BRINP3: variants seen among roughly 807,000 people sequenced by gnomAD.
BRINP3 encodes BMP/retinoic acid inducible neural specific 3.
BRINP3 carries 19 observed loss-of-function variants against 71.0 expected under a neutral mutation model. The ratio of observed to expected loss-of-function variants is 0.27; its 90% confidence interval spans 0.19 to 0.39. BRINP3 has a LOEUF of 0.39. Ranked by LOEUF, BRINP3 falls within the 10% of genes least tolerant of loss-of-function variation. The pLI is 1.00. For synonymous variants in BRINP3, 380 were observed against 337.7 expected, an observed-to-expected ratio of 1.13 and a Z score of -1.37; for missense variants, 959 against 940.8, an observed-to-expected ratio of 1.02 and a Z score of -0.25.
intron 2 of BRINP3, among the ~76,000 whole-genome samples, chr1:190,433,676 T>A (rs562263925): frequency 2.0e-5 from 3 of 152,180 alleles, no homozygotes; most frequent in Non-Finnish European, 2.9e-5. Flanking sequence ...CTGAAATTAT[T>A]ATGCTATCTA....
In BRINP3 at chr1:190,477,545, C is replaced by G. The variant is rs1036483565; in HGVS notation, c.-148G>C. 3.9e-4 allele frequency: 60 copies of G among 152,176 alleles called. No individual in the cohort carries two copies. The highest frequency in any genetic ancestry group is 1.4e-3 in the African/African-American group (58 of 41,520). The allele number at this position is 152,176 out of a possible 1,614,324, so 9.4% of individuals were successfully genotyped here. A position where few individuals can be genotyped will look rare whatever the true frequency, so the allele number is the denominator to read the frequency against. On this transcript the variant is annotated 5_prime_UTR_variant, in exon 1 of 8. Transcript: ENST00000367462. Reference sequence around the variant, plus strand: ...TTCCAAATCAAGGTAAAGTAGTGAGCTGCAGGGTAGTAGGACTTTAAAATA... The same window carrying G: ...TTCCAAATCAAGGTAAAGTAGTGAGGTGCAGGGTAGTAGGACTTTAAAATA...
At chr1:190,413,548 G>A (rs1156745766) in intron 2 of BRINP3, among the ~76,000 whole-genome samples, 1 of 152,126 alleles carries the variant, frequency 6.6e-6, no homozygotes, top group Admixed American at 6.5e-5. Context: ...TGTTATCAAG[G>A]AGACAGAGAT....
intron 2 of BRINP3, among the ~76,000 whole-genome samples, chr1:190,356,433 G>A (rs551879896): frequency 2.6e-5 from 4 of 151,894 alleles, no homozygotes; most frequent in Admixed American, 1.3e-4. Flanking sequence ...GTATTAGAAA[G>A]GTAGATGAAC....
chr1:190,100,578 A>C (rs1040439082), intron 7 of BRINP3, among the ~76,000 whole-genome samples: 2 of 152,184 alleles, frequency 1.3e-5, no homozygotes, highest in Non-Finnish European at 2.9e-5. Flanking sequence ...CCCTAAACTG[A>C]ATATTTAATA....
intron 2 of BRINP3, among the ~76,000 whole-genome samples, chr1:190,327,894 T>C (rs1272977370): frequency 1.3e-5 from 2 of 152,114 alleles, no homozygotes; most frequent in African/African-American, 4.8e-5. Context: ...ATTGATTACA[T>C]TCTCAGCCAT....
chr1:190,114,637 C>T (rs1240146087), intron 7 of BRINP3, among the ~76,000 whole-genome samples: 4 of 151,660 alleles, frequency 2.6e-5, no homozygotes, highest in African/African-American at 4.9e-5. Flanking sequence ...GATCATATCA[C>T]GGCTCAAATC....
chr1:190,272,114 A>C (rs115096458), intron 3 of BRINP3, among the ~76,000 whole-genome samples: 2,280 of 151,638 alleles, frequency 0.015, 72 homozygotes, highest in African/African-American at 0.051. Flanking sequence ...AGTCTTTTTC[A>C]GTGTCCACAT....
intron 7 of BRINP3, among the ~76,000 whole-genome samples, chr1:190,109,350 A>G (rs1652469646): frequency 6.6e-6 from 1 of 152,244 alleles, no homozygotes; most frequent in Non-Finnish European, 1.5e-5. Flanking sequence ...AGGATTAACA[A>G]AAGTCATTCT....
At chr1:190,336,978 T>A (rs1333793972) in intron 2 of BRINP3, among the ~76,000 whole-genome samples, 1 of 151,584 alleles carries the variant, frequency 6.6e-6, no homozygotes, top group Non-Finnish European at 1.5e-5. Context: ...AACTTTAGAA[T>A]GTAATGAATA....
intron 6 of BRINP3, among the ~76,000 whole-genome samples, chr1:190,203,421 G>A (rs866192482): frequency 4.8e-5 from 7 of 144,820 alleles, no homozygotes; most frequent in African/African-American, 1.0e-4. Flanking sequence ...ATGTGTGTGT[G>A]TATATATATA....
intron 7 of BRINP3, among the ~76,000 whole-genome samples, chr1:190,122,232 A>G (rs1221287389): frequency 6.6e-6 from 1 of 152,092 alleles, no homozygotes; most frequent in East Asian, 1.9e-4. Flanking sequence ...TTGTACATTC[A>G]TGTATTGATG....
chr1:190,265,937 A>G (rs1185957373), intron 3 of BRINP3, among the ~76,000 whole-genome samples: 1 of 152,210 alleles, frequency 6.6e-6, no homozygotes, highest in Admixed American at 6.5e-5. Flanking sequence ...GTGTTAATAC[A>G]CTGTGTGAAA....
chr1:190,284,125 A>G (rs932520069), intron 2 of BRINP3, among the ~76,000 whole-genome samples: 3 of 152,002 alleles, frequency 2.0e-5, no homozygotes, highest in African/African-American at 7.2e-5. Flanking sequence ...GAAAAGTGCA[A>G]TTCTATGTTT....
At chr1:190,329,700 T>G (rs550179241) in intron 2 of BRINP3, among the ~76,000 whole-genome samples, 1 of 152,082 alleles carries the variant, frequency 6.6e-6, no homozygotes, top group South Asian at 2.1e-4. Flanking sequence ...AAAGCAACCC[T>G]GAGCACAAAG....
chr1:190,268,141 AT>A (rs1661811776), intron 3 of BRINP3, among the ~76,000 whole-genome samples: 1 of 152,196 alleles, frequency 6.6e-6, no homozygotes, highest in Non-Finnish European at 1.5e-5. Flanking sequence ...CATTAATATA[AT>A]TCAGCATATT....
At chr1:190,354,471 A>G (rs1782561) in intron 2 of BRINP3, among the ~76,000 whole-genome samples, 113,638 of 151,192 alleles carry the variant, frequency 0.75, 42,905 homozygotes, top group Non-Finnish European at 0.79. Flanking sequence ...AGGGCTCGTC[A>G]CTTAAAAGGT....
intron 3 of BRINP3, among the ~76,000 whole-genome samples, chr1:190,272,703 A>T (rs752313858): frequency 6.6e-6 from 1 of 151,462 alleles, no homozygotes; most frequent in African/African-American, 2.4e-5. Context: ...GATTACTAAT[A>T]ATAGTAGTGG....
At chr1:190,311,638 T>C (rs1353274695) in intron 2 of BRINP3, among the ~76,000 whole-genome samples, 1 of 151,480 alleles carries the variant, frequency 6.6e-6, no homozygotes, top group Non-Finnish European at 1.5e-5. Context: ...TCAGTTAATA[T>C]GGAGGTTAAT....
intron 2 of BRINP3, among the ~76,000 whole-genome samples, chr1:190,381,871 C>T (rs1381354636): frequency 6.6e-6 from 1 of 152,066 alleles, no homozygotes; most frequent in Non-Finnish European, 1.5e-5. Flanking sequence ...TGGAAATTAA[C>T]TTCTTCATAT....
Sources: allele counts gnomAD v4.1 joint callset (sites outside exome capture counted in the v4.1 genomes callset), GRCh38; gene constraint gnomAD v4.1.1; transcripts MANE v1.5; gene names NCBI Gene and HGNC (gene_info 2026-07-23, HGNC 2026-07-21).